CDKAL1: variants seen among roughly 807,000 people sequenced by gnomAD.
CDKAL1 encodes CDKAL1 threonylcarbamoyladenosine tRNA methylthiotransferase.
A neutral mutation model predicts 68.2 loss-of-function variants in CDKAL1; 32 were observed. That is an observed-to-expected ratio of 0.47 (90% CI 0.35 to 0.63). The LOEUF is 0.63. Ranked by LOEUF, CDKAL1 falls within the 30% of genes least tolerant of loss-of-function variation. The pLI is 0.00. For missense variants in CDKAL1, 606 were observed against 696.7 expected (o/e 0.87, Z 1.47); for synonymous variants, 234 against 244.3 (o/e 0.96, Z 0.39).
chr6:20,702,503 G>C (rs190037035), intron 5 of CDKAL1, among the ~76,000 whole-genome samples: 28 of 152,280 alleles, frequency 1.8e-4, no homozygotes, highest in Admixed American at 1.5e-3. Context: ...TTCAGCAGAT[G>C]GGGGAGCCAG....
chr6:20,569,365 T>C (rs1764606876), intron 4 of CDKAL1, among the ~76,000 whole-genome samples: 1 of 152,242 alleles, frequency 6.6e-6, no homozygotes, highest in South Asian at 2.1e-4. Flanking sequence ...CTTCAGTTGG[T>C]TCTTTTAATT....
At chr6:20,966,917 A>C (rs1350921414) in intron 10 of CDKAL1, among the ~76,000 whole-genome samples, 1 of 151,982 alleles carries the variant, frequency 6.6e-6, no homozygotes, top group African/African-American at 2.4e-5. Context: ...TGTTGTTTCT[A>C]TATTCTTCCA....
At chr6:20,659,902 C>G (rs563404413) in intron 5 of CDKAL1, among the ~76,000 whole-genome samples, 1 of 152,260 alleles carries the variant, frequency 6.6e-6, no homozygotes, top group African/African-American at 2.4e-5. Context: ...TCTCTCCTAC[C>G]TCTTTTCTTG....
At chr6:21,079,009 A>G (rs1187605932) in intron 12 of CDKAL1, among the ~76,000 whole-genome samples, 1 of 152,176 alleles carries the variant, frequency 6.6e-6, no homozygotes, top group Admixed American at 6.5e-5. Flanking sequence ...GAGAGTTGAG[A>G]TGCCATCAGC....
intron 7 of CDKAL1, among the ~76,000 whole-genome samples, chr6:20,776,056 G>A (rs1775158866): frequency 6.6e-6 from 1 of 151,802 alleles, no homozygotes; most frequent in African/African-American, 2.4e-5. Context: ...CATTGGATTG[G>A]AAAATAACTC....
chr6:20,666,898 C>T (rs1769575132), intron 5 of CDKAL1, among the ~76,000 whole-genome samples: 1 of 152,076 alleles, frequency 6.6e-6, no homozygotes, highest in South Asian at 2.1e-4. Flanking sequence ...TACCATTTGC[C>T]TCATCTTTCC....
intron 13 of CDKAL1, among the ~76,000 whole-genome samples, chr6:21,123,074 A>G (rs766805753): frequency 6.6e-6 from 1 of 152,186 alleles, no homozygotes; most frequent in Non-Finnish European, 1.5e-5. Flanking sequence ...GCTGATATCA[A>G]GACTAGCTGA....
chr6:20,760,396 G>T (rs1774410938), intron 7 of CDKAL1, among the ~76,000 whole-genome samples: 1 of 152,196 alleles, frequency 6.6e-6, no homozygotes, highest in African/African-American at 2.4e-5. Flanking sequence ...GAATCCAGAA[G>T]TGCTAGCATT....
intron 9 of CDKAL1, among the ~76,000 whole-genome samples, chr6:20,873,381 G>A (rs1317259847): frequency 1.3e-5 from 2 of 152,156 alleles, no homozygotes; most frequent in Non-Finnish European, 2.9e-5. Context: ...AGGTGATGCA[G>A]ATAATAAATA....
chr6:20,678,079 A>G (rs531026511), intron 5 of CDKAL1, among the ~76,000 whole-genome samples: 1 of 141,680 alleles, frequency 7.1e-6, no homozygotes, highest in African/African-American at 2.8e-5. Context: ...AATCTAGATT[A>G]AGATCTGTGT....
chr6:20,897,067 T>G (rs188806443), intron 9 of CDKAL1, among the ~76,000 whole-genome samples: 1 of 152,114 alleles, frequency 6.6e-6, no homozygotes, highest in Non-Finnish European at 1.5e-5. Context: ...GCCAACAGAT[T>G]CAGTATCTCA....
At chr6:21,002,082 T>TA (rs1767454329) in intron 11 of CDKAL1, among the ~76,000 whole-genome samples, 1 of 152,194 alleles carries the variant, frequency 6.6e-6, no homozygotes, top group South Asian at 2.1e-4. Flanking sequence ...TTTCACAAGT[T>TA]ACGTTGTTCT....
At chr6:20,649,437 G>A in intron 5 of CDKAL1, 60 bp downstream of exon 5, 1 of 927,060 alleles carries the variant, frequency 1.1e-6, no homozygotes, top group Admixed American at 2.4e-5. Context: ...GATACCAAAA[G>A]ATTAGCTTTT....
intron 2 of CDKAL1, among the ~76,000 whole-genome samples, chr6:20,538,390 A>G (rs1337407051): frequency 6.6e-6 from 1 of 152,188 alleles, no homozygotes; most frequent in Non-Finnish European, 1.5e-5. Flanking sequence ...TGGGAAGAGC[A>G]TGGTATTGAG....
At chr6:20,557,041 C>CAAAAAA (rs199509135) in intron 4 of CDKAL1, among the ~76,000 whole-genome samples, 1 of 121,098 alleles carries the variant, frequency 8.3e-6, no homozygotes, top group African/African-American at 2.8e-5. Flanking sequence ...GTCTCCATCT[C>CAAAAAA]AAAAAAAAAA....
chr6:20,930,115 T>C (rs1203899513), intron 9 of CDKAL1, among the ~76,000 whole-genome samples: 1 of 152,164 alleles, frequency 6.6e-6, no homozygotes, highest in East Asian at 1.9e-4. Flanking sequence ...AAACAACAAA[T>C]CTAATTTTAA....
At chr6:20,956,666 TA>T (rs1160262083) in intron 10 of CDKAL1, among the ~76,000 whole-genome samples, 1 of 152,188 alleles carries the variant, frequency 6.6e-6, no homozygotes, top group Non-Finnish European at 1.5e-5. Context: ...GCTAAACATT[TA>T]AAAGATTATT....
intron 9 of CDKAL1, among the ~76,000 whole-genome samples, chr6:20,919,146 A>G (rs985160957): frequency 5.3e-5 from 8 of 152,188 alleles, no homozygotes; most frequent in African/African-American, 1.7e-4. Context: ...TCAAGTCAGG[A>G]TGGGGTCTAC....
At chr6:20,627,938 A>G (rs1012874141) in intron 4 of CDKAL1, among the ~76,000 whole-genome samples, 4 of 152,156 alleles carry the variant, frequency 2.6e-5, no homozygotes, top group Admixed American at 6.6e-5. Context: ...TCAATCTTAA[A>G]TTCTGTGACC....
Sources: gnomAD v4.1 joint callset for allele counts (sites outside exome capture counted in the v4.1 genomes callset) on GRCh38, gnomAD v4.1.1 for gene constraint, MANE v1.5 for transcripts, NCBI Gene and HGNC (gene_info 2026-07-23, HGNC 2026-07-21) for gene names.